Variants in PRKAG2 observed in about 807,000 individuals in gnomAD.
PRKAG2 encodes protein kinase AMP-activated non-catalytic subunit gamma 2, also known as 5'-AMP-activated protein kinase subunit gamma-2.
PRKAG2 carries 26 observed loss-of-function variants against 69.6 expected under a neutral mutation model. That is an observed-to-expected ratio of 0.37 (90% CI 0.27 to 0.52). The LOEUF is 0.52. PRKAG2 is among the 20% of genes least tolerant of loss of function. The pLI, the probability that PRKAG2 is intolerant of heterozygous loss-of-function variation, is 0.90. For missense variants in PRKAG2, 557 were observed against 740.0 expected (o/e 0.75, Z 2.87); for synonymous variants, 293 against 285.0 (o/e 1.03, Z -0.28).
At chr7:151,670,129 T>G (rs1831769585) in intron 4 of PRKAG2, among the ~76,000 whole-genome samples, 1 of 143,640 alleles carries the variant, frequency 7.0e-6, no homozygotes, top group Admixed American at 6.9e-5. Context: ...CACACTTGCA[T>G]GCACACACAC....
At chr7:151,811,306 C>T (rs965713280) in intron 1 of PRKAG2, among the ~76,000 whole-genome samples, 16 of 152,212 alleles carry the variant, frequency 1.1e-4, no homozygotes, top group Admixed American at 1.0e-3. Context: ...TCCTGCAAGG[C>T]AGGTACTGTC....
chr7:151,674,014 T>G (rs1322416107), intron 4 of PRKAG2, among the ~76,000 whole-genome samples: 3 of 152,034 alleles, frequency 2.0e-5, no homozygotes, highest in Non-Finnish European at 4.4e-5. Context: ...GATAATTTTT[T>G]GTATTTTTAG....
At chr7:151,592,794 C>T (rs568676997) in intron 6 of PRKAG2, among the ~76,000 whole-genome samples, 24 of 152,306 alleles carry the variant, frequency 1.6e-4, no homozygotes, top group South Asian at 1.2e-3. Flanking sequence ...GTTTTGGGTA[C>T]GCGGCTATTT....
chr7:151,631,843 TG>T, intron 5 of PRKAG2: 1 of 495,248 alleles, frequency 2.0e-6, no homozygotes, highest in Non-Finnish European at 3.8e-6. Flanking sequence ...GGCTGCGCTC[TG>T]GGAGCCTGGC....
intron 1 of PRKAG2, among the ~76,000 whole-genome samples, chr7:151,865,641 G>C (rs144470331): frequency 1.3e-5 from 2 of 152,340 alleles, no homozygotes; most frequent in East Asian, 1.9e-4. Context: ...TCCTGATTCC[G>C]AGTGTAGTGT....
At chr7:151,853,192 G>A (rs966546941) in intron 1 of PRKAG2, among the ~76,000 whole-genome samples, 1 of 152,186 alleles carries the variant, frequency 6.6e-6, no homozygotes, top group African/African-American at 2.4e-5. Context: ...GACTGGATGC[G>A]TGAGTGTGCT....
intron 6 of PRKAG2, among the ~76,000 whole-genome samples, chr7:151,592,409 C>A (rs1486063220): frequency 6.6e-6 from 1 of 152,222 alleles, no homozygotes; most frequent in African/African-American, 2.4e-5. Context: ...TGGAACCCAA[C>A]TGCAGGGAGT....
chr7:151,566,506 C>T, intron 11 of PRKAG2: 2 of 390,088 alleles, frequency 5.1e-6, no homozygotes, highest in Non-Finnish European at 1.0e-5. Flanking sequence ...AGGGATATGG[C>T]AGGAGAGAAA....
intron 3 of PRKAG2, among the ~76,000 whole-genome samples, chr7:151,700,442 C>T (rs556178386): frequency 6.6e-6 from 1 of 152,342 alleles, no homozygotes; most frequent in East Asian, 1.9e-4. Flanking sequence ...ACAGACACGT[C>T]AGGGTGAGAT....
chr7:151,564,024 T>C (rs990493734), intron 14 of PRKAG2, 54 bp downstream of exon 14: 4 of 1,611,718 alleles, frequency 2.5e-6, no homozygotes, highest in African/African-American at 2.7e-5. Flanking sequence ...CATTCACTAC[T>C]GGGGACTTGT....
At chr7:151,779,654 C>T (rs1252593869) in intron 3 of PRKAG2, among the ~76,000 whole-genome samples, 1 of 152,236 alleles carries the variant, frequency 6.6e-6, no homozygotes, top group Non-Finnish European at 1.5e-5. Flanking sequence ...GTCCTTTCTT[C>T]TGAAGCCTGC....
At chr7:151,735,132 A>G (rs557572658) in intron 3 of PRKAG2, among the ~76,000 whole-genome samples, 209 of 152,294 alleles carry the variant, frequency 1.4e-3, no homozygotes, top group African/African-American at 4.9e-3. Flanking sequence ...CTGGGATTAC[A>G]GGCATGAGCC....
rs765372069 is a variant in PRKAG2, at chr7:151,876,632, G to C, written c.-12C>G. 9.3e-6 allele frequency: 15 copies of C among 1,606,338 alleles called. No individual in the cohort carries two copies. Among genetic ancestry groups the C allele is most frequent in the Non-Finnish European group, 5.9e-6 (7 of 1,179,130 alleles). ...ACCGCGCTTCCCATAACTCTAACCA[G>C]AAGTTGATTCTGCGAAACTCCTCGG... On this transcript the variant is annotated 5_prime_UTR_variant, in exon 1 of 16. Transcript: ENST00000287878.
At chr7:151,591,667 A>C (rs1188645784) in intron 6 of PRKAG2, among the ~76,000 whole-genome samples, 1 of 152,086 alleles carries the variant, frequency 6.6e-6, no homozygotes, top group African/African-American at 2.4e-5. Flanking sequence ...GTGACACTAA[A>C]AGCTGTTTTC....
Position 151,631,017 on chromosome 7 carries a change from T to C in PRKAG2, c.754+1052A>G, listed in dbSNP as rs143261503. Among the ~76,000 whole-genome samples the C allele has an allele frequency of 1.2e-3, 185 of 152,380 alleles. 1 individual carries two copies. The highest frequency in any genetic ancestry group is 4.3e-3 in the African/African-American group (179 of 41,594). On this transcript the variant is annotated intron_variant, in intron 5 of 15. Transcript: ENST00000287878. Reference sequence around the variant, plus strand: ...AAGATAACAGGCACCCGGCTAATTCTATTGGGTTAACACGTCCATGCTGGC... The same window carrying C: ...AAGATAACAGGCACCCGGCTAATTCCATTGGGTTAACACGTCCATGCTGGC...
In PRKAG2 at chr7:151,632,033, G is replaced by A; in HGVS notation, c.754+36C>T. 7.6e-7 allele frequency: 1 copy of A among 1,309,894 alleles called. No individual in the cohort carries two copies. Among genetic ancestry groups the A allele is most frequent in the Non-Finnish European group, 9.8e-7 (1 of 1,017,912 alleles). The allele number at this position is 1,309,894 out of a possible 1,614,324, so 81.1% of individuals were successfully genotyped here. A position where few individuals can be genotyped will look rare whatever the true frequency, so the allele number is the denominator to read the frequency against. On this transcript the variant is annotated intron_variant, in intron 5 of 15. Transcript: ENST00000287878. This position sits in a 1 kb window ranked among gnomAD's most constrained non-coding sequence, Gnocchi z 4.2. Reference sequence around the variant, plus strand: ...CCGGTCCTCGGGCGGCCGGGCCGTGGGAGCGCCGGGCCGGCAGCGGGCGGG... The same window carrying A: ...CCGGTCCTCGGGCGGCCGGGCCGTGAGAGCGCCGGGCCGGCAGCGGGCGGG...
chr7:151,825,790 C>T lies in PRKAG2; in HGVS notation c.115-39249G>A, dbSNP rs115044802. 3.7e-3 allele frequency among the ~76,000 whole-genome samples: 562 copies of T among 152,328 alleles called. 10 individuals are homozygous for T. Among genetic ancestry groups the T allele is most frequent in the African/African-American group, 0.013 (529 of 41,570 alleles). ...CAAATGCATCGAGCGAAGGGATGCC[C>T]AGCATTACAGACACCAGAGCATAAA... is the stretch of plus-strand genomic sequence containing the variant. On this transcript the variant is annotated intron_variant, in intron 1 of 15. Coordinates refer to ENST00000287878, the MANE Select transcript of PRKAG2 (RefSeq NM_016203.4).
chr7:151,667,025 G>GAGCTGCCTTGCCCAAGGTC (rs750798359), intron 4 of PRKAG2, among the ~76,000 whole-genome samples: 1 of 152,132 alleles, frequency 6.6e-6, no homozygotes, highest in Non-Finnish European at 1.5e-5. Context: ...TGGCTAAAGA[G>GAGCTGCCTTGCCCAAGGTC]AGCTGCCTTG....
chr7:151,852,099 G>A (rs764687158), intron 1 of PRKAG2, among the ~76,000 whole-genome samples: 19 of 152,288 alleles, frequency 1.2e-4, no homozygotes, highest in African/African-American at 4.1e-4. Context: ...CAGGACGGAC[G>A]CACAGGAACC....
Sources: gnomAD v4.1 joint callset for allele counts (sites outside exome capture counted in the v4.1 genomes callset) on GRCh38, gnomAD v4.1.1 for gene constraint, Gnocchi (gnomAD v3.1) non-coding constraint, MANE v1.5 for transcripts, NCBI Gene and HGNC (gene_info 2026-07-23, HGNC 2026-07-21) for gene names.